The following SHROOM4 variants were observed in gnomAD, a reference collection of about 807,000 sequenced individuals.
SHROOM4 encodes shroom family member 4.
In SHROOM4, 17 loss-of-function variants were observed where a neutral mutation model predicts 80.3. That is an observed-to-expected ratio of 0.21 (90% CI 0.14 to 0.32). SHROOM4 has a LOEUF of 0.32. SHROOM4 is among the 10% of genes least tolerant of loss of function. SHROOM4 has a pLI of 1.00. For synonymous variants in SHROOM4, 400 were observed against 437.5 expected, an observed-to-expected ratio of 0.91 and a Z score of 1.07; for missense variants, 993 against 1,140.3, an observed-to-expected ratio of 0.87 and a Z score of 1.86.
intron 2 of SHROOM4, among the ~76,000 whole-genome samples, chrX:50,644,486 T>C (rs1329144200): frequency 8.9e-6 from 1 of 112,192 alleles, no homozygotes; most frequent in Non-Finnish European, 1.9e-5. Context: ...CAGCCCTATG[T>C]GGATTTGTTG....
Position 50,595,984 on chromosome X carries a change from A to G in SHROOM4, c.*711T>C, listed in dbSNP as rs1557246472. The G allele has an allele frequency of 3.0e-6, 1 of 329,250 alleles. No individual in the cohort carries two copies. Among genetic ancestry groups the G allele is most frequent in the Admixed American group, 3.1e-5 (1 of 32,270 alleles). The allele number at this position is 329,250 out of a possible 1,213,427, so 27.1% of individuals were successfully genotyped here. A position where few individuals can be genotyped will look rare whatever the true frequency, so the allele number is the denominator to read the frequency against. The stretch of plus-strand genomic sequence containing the variant: ...TAACCCCCAGCAATGTAAAGGAAAG[A>G]TGAAACAAGAGGTGGTAGGACCAAA... On this transcript the variant is annotated 3_prime_UTR_variant, in exon 9 of 9. Coordinates refer to ENST00000376020, the MANE Select transcript of SHROOM4 (RefSeq NM_020717.5).
chrX:50,742,587 G>A (rs1375088459), intron 1 of SHROOM4, among the ~76,000 whole-genome samples: 1 of 93,632 alleles, frequency 1.1e-5, no homozygotes, highest in Admixed American at 1.2e-4. Flanking sequence ...AATAATCCTC[G>A]ATTAGTATTT....
chrX:50,795,076 A>T (rs1340304470), intron 1 of SHROOM4, among the ~76,000 whole-genome samples: 5 of 43,898 alleles, frequency 1.1e-4, no homozygotes, highest in Non-Finnish European at 1.8e-4. Flanking sequence ...TATATATATG[A>T]TATATATATA....
At chrX:50,781,739 T>C (rs1386878214) in intron 1 of SHROOM4, among the ~76,000 whole-genome samples, 2 of 109,804 alleles carry the variant, frequency 1.8e-5, no homozygotes, top group Non-Finnish European at 3.8e-5. Context: ...GAAAAAAAAA[T>C]AAAGACAGAA....
chrX:50,745,635 A>G (rs782705562), intron 1 of SHROOM4, among the ~76,000 whole-genome samples: 2 of 111,170 alleles, frequency 1.8e-5, no homozygotes, highest in South Asian at 7.9e-4. Context: ...CTTGTACAAC[A>G]GAGAACTGGA....
chrX:50,732,226 T>C (rs1934389541), intron 1 of SHROOM4, among the ~76,000 whole-genome samples: 1 of 111,560 alleles, frequency 9.0e-6, no homozygotes, highest in African/African-American at 3.3e-5. Flanking sequence ...CACCCAAAGT[T>C]GTGCCTAAAT....
chrX:50,670,025 A>C (rs1557260672), intron 2 of SHROOM4, among the ~76,000 whole-genome samples: 1 of 112,170 alleles, frequency 8.9e-6, no homozygotes. Flanking sequence ...TCCCTTCCAT[A>C]AGATTTTCAA....
intron 2 of SHROOM4, among the ~76,000 whole-genome samples, chrX:50,648,366 A>G (rs782492223): frequency 8.9e-6 from 1 of 111,965 alleles, no homozygotes; most frequent in South Asian, 3.8e-4. Flanking sequence ...GGGGCTCTAA[A>G]AAGAAAATTG....
intron 5 of SHROOM4, among the ~76,000 whole-genome samples, chrX:50,615,209 A>C (rs1002069617): frequency 3.6e-5 from 4 of 111,143 alleles, no homozygotes; most frequent in African/African-American, 1.3e-4. Context: ...TGATTTTGTT[A>C]TACATTTTTC....
At chrX:50,636,837 C>T (rs978839907) in intron 3 of SHROOM4, among the ~76,000 whole-genome samples, 6 of 111,772 alleles carry the variant, frequency 5.4e-5, no homozygotes, top group Non-Finnish European at 1.1e-4. Flanking sequence ...AGTGTCTTAG[C>T]GCTACTGCCA....
chrX:50,810,472 T>C, intron 1 of SHROOM4, among the ~76,000 whole-genome samples: 1 of 111,591 alleles, frequency 9.0e-6, no homozygotes. Context: ...TGGTTTTTTT[T>C]CCACAAAGGA....
At chrX:50,680,252 A>G (rs1270439388) in intron 2 of SHROOM4, among the ~76,000 whole-genome samples, 3 of 110,990 alleles carry the variant, frequency 2.7e-5, no homozygotes, top group Non-Finnish European at 5.7e-5. Flanking sequence ...GCCTACACTT[A>G]AAAAAATTAA....
At chrX:50,770,979 C>T (rs1056249982) in intron 1 of SHROOM4, among the ~76,000 whole-genome samples, 3 of 111,522 alleles carry the variant, frequency 2.7e-5, no homozygotes, top group Non-Finnish European at 5.6e-5. Flanking sequence ...AATAAAGTTA[C>T]GCTCAAGAGG....
chrX:50,683,472 T>C (rs1557261979), intron 2 of SHROOM4, among the ~76,000 whole-genome samples: 1 of 110,999 alleles, frequency 9.0e-6, no homozygotes, highest in South Asian at 3.8e-4. Context: ...ATTCAGGAGG[T>C]AGGGAGCATG....
At chrX:50,730,318 T>A (rs1450644320) in intron 1 of SHROOM4, among the ~76,000 whole-genome samples, 1 of 110,403 alleles carries the variant, frequency 9.1e-6, no homozygotes, top group Non-Finnish European at 1.9e-5. Context: ...TCCCAGCTAC[T>A]CGGGAGGCTG....
chrX:50,653,957 C>G (rs1932213118), intron 2 of SHROOM4, among the ~76,000 whole-genome samples: 1 of 111,787 alleles, frequency 8.9e-6, no homozygotes, highest in East Asian at 2.8e-4. Flanking sequence ...AATGCACGCT[C>G]ATAAGTTTGA....
chrX:50,592,427 C>G lies in SHROOM4; in HGVS notation c.*4268G>C, dbSNP rs1428245672. On this transcript the variant is annotated 3_prime_UTR_variant, in exon 9 of 9. Coordinates refer to ENST00000376020, the MANE Select transcript of SHROOM4 (RefSeq NM_020717.5). ...CATTTTACAGATAAGAAAATGACCTCAGAAGTTGAGCTAGTAGCCCAGGTT... is the reference window on the plus strand; with the variant it reads ...CATTTTACAGATAAGAAAATGACCTGAGAAGTTGAGCTAGTAGCCCAGGTT... 1.3e-5 allele frequency: 3 copies of G among 233,547 alleles called. No homozygotes were observed. The highest frequency in any genetic ancestry group is 2.4e-5 in the Non-Finnish European group (3 of 127,064). The allele number at this position is 233,547 out of a possible 1,213,427, so 19.2% of individuals were successfully genotyped here. A position where few individuals can be genotyped will look rare whatever the true frequency, so the allele number is the denominator to read the frequency against.
intron 2 of SHROOM4, among the ~76,000 whole-genome samples, chrX:50,650,218 T>C (rs1931988069): frequency 8.9e-6 from 1 of 112,706 alleles, no homozygotes; most frequent in Admixed American, 9.4e-5. Context: ...ATTGAAAGGC[T>C]GGATGTAAAT....
chrX:50,651,049 T>C (rs1444380409), intron 2 of SHROOM4, among the ~76,000 whole-genome samples: 1 of 111,358 alleles, frequency 9.0e-6, no homozygotes, highest in Non-Finnish European at 1.9e-5. Flanking sequence ...AGAAGTCAAG[T>C]CAAGGTCAGT....
Sources: gnomAD v4.1 joint callset for allele counts (sites outside exome capture counted in the v4.1 genomes callset) on GRCh38, gnomAD v4.1.1 for gene constraint, MANE v1.5 for transcripts, NCBI Gene and HGNC (gene_info 2026-07-23, HGNC 2026-07-21) for gene names.